MEIKIN: variants seen among roughly 807,000 people sequenced by gnomAD.
The protein encoded by MEIKIN is meiosis-specific kinetochore protein.
intron 5 of MEIKIN, among the ~76,000 whole-genome samples, chr5:131,932,004 G>C (rs1341292418): frequency 6.6e-6 from 1 of 152,128 alleles, no homozygotes; most frequent in African/African-American, 2.4e-5. Flanking sequence ...CTTCCACCTG[G>C]TCAGTTTCAT....
intron 4 of MEIKIN, among the ~76,000 whole-genome samples, chr5:131,939,973 T>G (rs1751841620): frequency 6.6e-6 from 1 of 152,238 alleles, no homozygotes; most frequent in Non-Finnish European, 1.5e-5. Context: ...TGAACCTGTA[T>G]TATCTTTGAA....
At chr5:131,836,716 C>T (rs1749815046) in intron 11 of MEIKIN, among the ~76,000 whole-genome samples, 1 of 150,532 alleles carries the variant, frequency 6.6e-6, no homozygotes, top group Non-Finnish European at 1.5e-5. Flanking sequence ...AGTGTCTGTG[C>T]ATGTCCTTCG....
At chr5:131,938,656 A>AT (rs1751822042) in intron 4 of MEIKIN, among the ~76,000 whole-genome samples, 1 of 151,996 alleles carries the variant, frequency 6.6e-6, no homozygotes, top group African/African-American at 2.4e-5. Flanking sequence ...TTTTTAACAA[A>AT]TTTTTTTGTT....
At chr5:131,892,818 GCT>G (rs1296927403) in intron 8 of MEIKIN, among the ~76,000 whole-genome samples, 2 of 152,262 alleles carry the variant, frequency 1.3e-5, no homozygotes, top group African/African-American at 2.4e-5. Context: ...CAGTTTTTCT[GCT>G]CTGTTTTTTC....
chr5:131,928,378 A>C (rs538798531), intron 5 of MEIKIN, among the ~76,000 whole-genome samples: 1 of 152,044 alleles, frequency 6.6e-6, no homozygotes, highest in East Asian at 1.9e-4. Context: ...CTTTTTGTAT[A>C]TATCGATAAT....
At chr5:131,814,517 T>A (rs1023117865) in intron 12 of MEIKIN, among the ~76,000 whole-genome samples, 2 of 151,948 alleles carry the variant, frequency 1.3e-5, no homozygotes, top group African/African-American at 4.8e-5. Context: ...GCTCAAGCGA[T>A]CCACTCGCCT....
chr5:131,930,071 T>A (rs972073728), intron 5 of MEIKIN, among the ~76,000 whole-genome samples: 4 of 152,244 alleles, frequency 2.6e-5, no homozygotes, highest in Non-Finnish European at 5.9e-5. Context: ...ATGATAGTTC[T>A]AGGTTCTTTG....
chr5:131,929,241 C>G (rs1187726740), intron 5 of MEIKIN, among the ~76,000 whole-genome samples: 2 of 152,204 alleles, frequency 1.3e-5, no homozygotes, highest in African/African-American at 2.4e-5. Flanking sequence ...TTGTATATGA[C>G]TTTTGACAAC....
intron 8 of MEIKIN, among the ~76,000 whole-genome samples, chr5:131,892,008 G>C (rs1213377499): frequency 1.3e-5 from 2 of 152,094 alleles, no homozygotes; most frequent in Non-Finnish European, 2.9e-5. Context: ...ATGCTGGGTT[G>C]AAAATTCTTT....
At chr5:131,903,716 G>A (rs1035475666) in intron 8 of MEIKIN, among the ~76,000 whole-genome samples, 1 of 151,992 alleles carries the variant, frequency 6.6e-6, no homozygotes, top group Non-Finnish European at 1.5e-5. Flanking sequence ...ACACTACAAA[G>A]CAACCACACA....
chr5:131,912,269 T>C (rs567437752), intron 7 of MEIKIN, among the ~76,000 whole-genome samples: 72 of 151,788 alleles, frequency 4.7e-4, no homozygotes, highest in African/African-American at 1.7e-3. Context: ...GTGGAAAGAA[T>C]TTTAAGATAC....
At position 131,865,388 on chromosome 5, in the gene MEIKIN, T is replaced by C. The variant is rs550675228; in HGVS notation, c.775-10554A>G. ...GCATGCGCCACCATGCCCGGCTAAT[T>C]TTTTGTATTTTTAGTAGAGACAGGG... On this transcript the variant is annotated intron_variant, in intron 9 of 12. Coordinates refer to ENST00000442687, the MANE Select transcript of MEIKIN (RefSeq NM_001303622.2). 2.0e-5 allele frequency among the ~76,000 whole-genome samples: 3 copies of C among 151,936 alleles called. No individual in the cohort carries two copies. The East Asian group carries it at 5.8e-4, about 29-fold the overall frequency.
intron 8 of MEIKIN, among the ~76,000 whole-genome samples, chr5:131,905,709 G>A (rs950262426): frequency 6.6e-6 from 1 of 151,930 alleles, no homozygotes; most frequent in African/African-American, 2.4e-5. Context: ...CAGACCAATA[G>A]AGAAACAAAA....
At chr5:131,890,537 G>T (rs868096702) in intron 8 of MEIKIN, among the ~76,000 whole-genome samples, 1 of 152,172 alleles carries the variant, frequency 6.6e-6, no homozygotes, top group African/African-American at 2.4e-5. Flanking sequence ...ATGGTAGTTT[G>T]TATTTCTGTG....
At chr5:131,910,648 T>C (rs1751319279) in intron 8 of MEIKIN, among the ~76,000 whole-genome samples, 1 of 152,114 alleles carries the variant, frequency 6.6e-6, no homozygotes, top group South Asian at 2.1e-4. Flanking sequence ...CTTACCCTGA[T>C]GTGATTATTA....
chr5:131,876,214 C>G (rs899687839), intron 9 of MEIKIN, among the ~76,000 whole-genome samples: 1 of 151,984 alleles, frequency 6.6e-6, no homozygotes, highest in African/African-American at 2.4e-5. Flanking sequence ...AGGCAACCTA[C>G]AGAATGGAAG....
Position 131,868,239 on chromosome 5 carries a change from A to G in MEIKIN, c.774+10739T>C, listed in dbSNP as rs149590915. 5.4e-3 allele frequency among the ~76,000 whole-genome samples: 823 copies of G among 152,254 alleles called. 11 individuals carry two copies. Among genetic ancestry groups the G allele is most frequent in the African/African-American group, 0.019 (798 of 41,556 alleles). Reference sequence around the variant, plus strand: ...AGAGTAGTTATGACTACAGGCCTGCAGCACCATGCCAGGCTAATATTTTTT... The same window carrying G: ...AGAGTAGTTATGACTACAGGCCTGCGGCACCATGCCAGGCTAATATTTTTT... On this transcript the variant is annotated intron_variant, in intron 9 of 12. Transcript: ENST00000442687.
chr5:131,848,617 A>C (rs1291083571), intron 11 of MEIKIN, among the ~76,000 whole-genome samples: 1 of 152,146 alleles, frequency 6.6e-6, no homozygotes, highest in Non-Finnish European at 1.5e-5. Context: ...TAAAACCAAT[A>C]CTTCTCTAAC....
chr5:131,889,188 A>G (rs1001487042), intron 8 of MEIKIN, among the ~76,000 whole-genome samples: 1 of 152,166 alleles, frequency 6.6e-6, no homozygotes, highest in African/African-American at 2.4e-5. Context: ...TGACTTGGCA[A>G]TGCAGGCTCT....
Sources: allele counts gnomAD v4.1 joint callset (sites outside exome capture counted in the v4.1 genomes callset), GRCh38; gene constraint gnomAD v4.1.1; transcripts MANE v1.5; gene names NCBI Gene and HGNC (gene_info 2026-07-23, HGNC 2026-07-21).